Variants in ANKRD11 observed in about 807,000 individuals in gnomAD.
ANKRD11 encodes ankyrin repeat domain 11, also known as ankyrin repeat domain-containing protein 11.
A neutral mutation model predicts 195.7 loss-of-function variants in ANKRD11; 17 were observed. The observed-to-expected ratio is 0.09, with a 90% CI of 0.06 to 0.13. The LOEUF (loss-of-function observed/expected upper bound fraction) is 0.13. ANKRD11 is among the 10% of genes least tolerant of loss of function. The pLI is 1.00. For synonymous variants in ANKRD11, 1,953 were observed against 1,528.1 expected (o/e 1.28, Z -6.49); for missense variants, 3,735 against 3,566.1 (o/e 1.05, Z -1.21).
At chr16:89,299,254 G>A (rs1297257700) in intron 4 of ANKRD11, 1 of 178,814 alleles carries the variant, frequency 5.6e-6, no homozygotes, top group Non-Finnish European at 1.2e-5. Context: ...CTGCCTGGGA[G>A]GAGATCTACA....
chr16:89,358,893 A>G (rs1204642891), intron 2 of ANKRD11, among the ~76,000 whole-genome samples: 2 of 152,020 alleles, frequency 1.3e-5, no homozygotes, highest in East Asian at 3.9e-4. Context: ...TGGTGCGATC[A>G]TGGCTCACCA....
At chr16:89,488,823 C>G (rs759558121) in intron 1 of ANKRD11, among the ~76,000 whole-genome samples, 1 of 152,204 alleles carries the variant, frequency 6.6e-6, no homozygotes, top group African/African-American at 2.4e-5. Context: ...GCATAAAACT[C>G]TCTCCTCATG....
intron 2 of ANKRD11, chr16:89,373,016 T>C (rs544652034): frequency 1.0e-3 from 156 of 152,340 alleles, no homozygotes; most frequent in African/African-American, 3.6e-3. Flanking sequence ...GTACGTGCGT[T>C]CACTGCAAGG....
At chr16:89,415,040 G>A (rs781481140) in intron 2 of ANKRD11, among the ~76,000 whole-genome samples, 14 of 152,002 alleles carry the variant, frequency 9.2e-5, no homozygotes, top group Non-Finnish European at 1.8e-4. Context: ...AACCTCCTGG[G>A]CTCAAGTGAT....
intron 4 of ANKRD11, among the ~76,000 whole-genome samples, chr16:89,293,947 G>A (rs2035248418): frequency 6.6e-6 from 1 of 152,186 alleles, no homozygotes; most frequent in Admixed American, 6.5e-5. Flanking sequence ...CCCGCTCTGA[G>A]GGGCAGCAAA....
chr16:89,487,271 C>G (rs1597569260), intron 1 of ANKRD11, among the ~76,000 whole-genome samples: 1 of 152,146 alleles, frequency 6.6e-6, no homozygotes, highest in Non-Finnish European at 1.5e-5. Context: ...ATTACACTTA[C>G]GATTTGAGGA....
At chr16:89,480,196 G>C (rs1426960707) in intron 1 of ANKRD11, among the ~76,000 whole-genome samples, 1 of 151,970 alleles carries the variant, frequency 6.6e-6, no homozygotes, top group African/African-American at 2.4e-5. Context: ...TAACTTTTAG[G>C]CCAGGCGTGA....
At chr16:89,448,836 G>A (rs1456317764) in intron 1 of ANKRD11, among the ~76,000 whole-genome samples, 1 of 152,122 alleles carries the variant, frequency 6.6e-6, no homozygotes, top group African/African-American at 2.4e-5. Context: ...CGGCATGCGG[G>A]CAGGGCAGGA....
chr16:89,488,048 C>G (rs569171356), intron 1 of ANKRD11, among the ~76,000 whole-genome samples: 7 of 152,158 alleles, frequency 4.6e-5, no homozygotes, highest in African/African-American at 1.7e-4. Context: ...CAAATGAGAG[C>G]TGCAAAAGAG....
At chr16:89,463,414 G>A (rs932673155) in intron 1 of ANKRD11, among the ~76,000 whole-genome samples, 3 of 152,136 alleles carry the variant, frequency 2.0e-5, no homozygotes, top group African/African-American at 4.8e-5. Flanking sequence ...GTCCACTCAG[G>A]GTTAAATGGA....
At chr16:89,396,548 T>G (rs539454223) in intron 2 of ANKRD11, among the ~76,000 whole-genome samples, 1 of 152,200 alleles carries the variant, frequency 6.6e-6, no homozygotes. Context: ...ATTTTTTTTT[T>G]GTATACTTCA....
intron 1 of ANKRD11, among the ~76,000 whole-genome samples, chr16:89,439,095 T>TA (rs534912816): frequency 7.9e-4 from 119 of 151,466 alleles, no homozygotes; most frequent in African/African-American, 2.7e-3. Context: ...ATATAGAAGA[T>TA]AAACATCACA....
intron 2 of ANKRD11, among the ~76,000 whole-genome samples, chr16:89,385,580 T>C (rs933825135): frequency 1.3e-5 from 2 of 151,890 alleles, no homozygotes; most frequent in African/African-American, 4.8e-5. Flanking sequence ...CTCTACTGAG[T>C]GAGCAAGAAG....
intron 9 of ANKRD11, among the ~76,000 whole-genome samples, chr16:89,276,981 G>C (rs1414268392): frequency 6.6e-6 from 1 of 151,886 alleles, no homozygotes; most frequent in East Asian, 1.9e-4. Context: ...GCTTGAACCG[G>C]GGAGGTGGAG....
intron 1 of ANKRD11, among the ~76,000 whole-genome samples, chr16:89,447,286 G>C (rs930117732): frequency 3.9e-5 from 6 of 152,056 alleles, no homozygotes; most frequent in African/African-American, 1.4e-4. Context: ...GTGGTCCCTA[G>C]ATGCCTCCCT....
intron 2 of ANKRD11, among the ~76,000 whole-genome samples, chr16:89,393,347 G>A (rs2041283618): frequency 7.0e-6 from 1 of 142,110 alleles, no homozygotes; most frequent in Non-Finnish European, 1.5e-5. Context: ...GGCTTGCTCT[G>A]TAGTGCGAGA....
chr16:89,354,243 C>CA (rs5818711), intron 2 of ANKRD11, among the ~76,000 whole-genome samples: 59,181 of 126,046 alleles, frequency 0.47, 12,526 homozygotes, highest in Middle Eastern at 0.51. Flanking sequence ...TGCATTCAGC[C>CA]AAAAAAAAAA....
intron 1 of ANKRD11, among the ~76,000 whole-genome samples, chr16:89,465,850 G>A (rs1395951330): frequency 1.3e-5 from 2 of 152,076 alleles, no homozygotes; most frequent in Non-Finnish European, 2.9e-5. Flanking sequence ...AGCTGGGACT[G>A]CAGGCGCCCG....
In ANKRD11 at chr16:89,295,655, CCTTT is replaced by C. The variant is rs373663787; in HGVS notation, c.227-4476_227-4473del. Among the ~76,000 whole-genome samples the C allele has an allele frequency of 4.7e-4, 71 of 152,088 alleles. 1 individual carries two copies. In the South Asian group the frequency reaches 0.015, roughly 31 times the overall value. ...TTCCTGCCCCTGCATCCAGCCATGGCCTTTCTGAGGCAGCAGAGACTGGAGGCGA... is the reference window on the plus strand; with the variant it reads ...TTCCTGCCCCTGCATCCAGCCATGGCCTGAGGCAGCAGAGACTGGAGGCGA... On this transcript the variant is annotated intron_variant, in intron 4 of 12. Coordinates refer to ENST00000301030, the MANE Select transcript of ANKRD11 (RefSeq NM_013275.6).
Sources: allele counts gnomAD v4.1 joint callset (sites outside exome capture counted in the v4.1 genomes callset), GRCh38; gene constraint gnomAD v4.1.1; transcripts MANE v1.5; gene names NCBI Gene and HGNC (gene_info 2026-07-23, HGNC 2026-07-21).